Variants in ZNF695 observed in about 807,000 individuals in gnomAD.
The protein encoded by ZNF695 is zinc finger protein 695, also known as zinc finger protein SBZF3.
ZNF695 carries 11 observed loss-of-function variants against 11.2 expected under a neutral mutation model. The observed-to-expected ratio is 0.98, with a 90% CI of 0.62 to 1.62. ZNF695 has a LOEUF of 1.62. ZNF695 is among the 40% of genes most tolerant of loss of function. ZNF695 has a pLI of 0.00. For missense variants in ZNF695, 559 were observed against 590.5 expected (o/e 0.95, Z 0.55); for synonymous variants, 190 against 201.4 (o/e 0.94, Z 0.48).
At chr1:246,974,536 A>G (rs920938001) in intron 4 of ZNF695, among the ~76,000 whole-genome samples, 2 of 152,214 alleles carry the variant, frequency 1.3e-5, no homozygotes, top group Admixed American at 1.3e-4. Flanking sequence ...AAATTTTCCT[A>G]AGGGAGTAAA....
At chr1:246,996,624 AG>A (rs537351016) in intron 3 of ZNF695, among the ~76,000 whole-genome samples, 189 of 152,256 alleles carry the variant, frequency 1.2e-3, no homozygotes, top group Non-Finnish European at 2.4e-3. Context: ...TGAATCTTCA[AG>A]AAAAGCCCTT....
intron 4 of ZNF695, among the ~76,000 whole-genome samples, chr1:246,978,945 T>C (rs898988359): frequency 2.6e-5 from 4 of 152,252 alleles, no homozygotes; most frequent in African/African-American, 9.6e-5. Flanking sequence ...ACAGTGATCG[T>C]GAATGCTTTT....
chr1:246,949,926 A>G (rs1667832081), intron 5 of ZNF695, among the ~76,000 whole-genome samples: 1 of 152,256 alleles, frequency 6.6e-6, no homozygotes, highest in African/African-American at 2.4e-5. Flanking sequence ...TGTATACAGA[A>G]TTAATTCGGC....
chr1:246,971,293 C>T (rs1343747089), intron 4 of ZNF695, among the ~76,000 whole-genome samples: 1 of 152,226 alleles, frequency 6.6e-6, no homozygotes, highest in African/African-American at 2.4e-5. Flanking sequence ...CTACTGCTAT[C>T]TAGAAGGCGG....
In ZNF695 at chr1:246,966,648, T is replaced by C. The variant is rs149421018; in HGVS notation, c.488+1047A>G. ...ATTCTTTTTTCTAATCAGCTAGGTA[T>C]GGGGGCACATTCTTGTAGTACTAGC... On this transcript the variant is annotated intron_variant, in intron 5 of 5. Coordinates refer to the ZNF695 transcript ENST00000487338. 3.7e-3 allele frequency among the ~76,000 whole-genome samples: 557 copies of C among 152,178 alleles called. 4 individuals are homozygous for C. Among genetic ancestry groups the C allele is most frequent in the African/African-American group, 0.012 (517 of 41,506 alleles).
At position 246,947,000 on chromosome 1, in the gene ZNF695, C is replaced by T. The variant is rs796562139; in HGVS notation, c.489-1173G>A. On this transcript the variant is annotated intron_variant, in intron 5 of 5. Transcript: ENST00000487338. ...ACAAAAAATACAAAAATTAGCCGGG[C>T]GTGGTGGCGGGCGCCTGTAGTTCCA... Among the ~76,000 whole-genome samples the T allele has an allele frequency of 1.9e-4, 29 of 151,936 alleles. 1 individual carries two copies. Among genetic ancestry groups the T allele is most frequent in the African/African-American group, 6.5e-4 (27 of 41,476 alleles).
chr1:246,962,610 A>G (rs1263234671), intron 5 of ZNF695, among the ~76,000 whole-genome samples: 1 of 152,086 alleles, frequency 6.6e-6, no homozygotes, highest in African/African-American at 2.4e-5. Flanking sequence ...CTCTAAGCTG[A>G]TGTTTTCTGC....
rs184501099 is a variant in ZNF695, at chr1:246,955,238, C to T, written c.489-9411G>A. On this transcript the variant is annotated intron_variant, in intron 5 of 5. Transcript: ENST00000487338. ...AATTACCCAGTCTTGGGTATTTCTT[C>T]ATAGCAGTATGAAAATAGACCAATA... Among the ~76,000 whole-genome samples the T allele has an allele frequency of 3.3e-3, 508 of 152,278 alleles. 2 individuals carry two copies. The highest frequency in any genetic ancestry group is 4.2e-3 in the Non-Finnish European group (284 of 68,032).
chr1:246,957,961 G>T (rs1359387472), intron 5 of ZNF695, among the ~76,000 whole-genome samples: 1 of 152,016 alleles, frequency 6.6e-6, no homozygotes, highest in Non-Finnish European at 1.5e-5. Flanking sequence ...CCTTTTCTAT[G>T]ATGAGTCTGA....
chr1:246,976,537 G>A lies in ZNF695; in HGVS notation c.391-8745C>T, dbSNP rs573459186. Among the ~76,000 whole-genome samples, 27 of 152,180 alleles carry A rather than the reference G, an allele frequency of 1.8e-4. No homozygotes were observed. In the South Asian group the frequency reaches 5.2e-3, roughly 29 times the overall value. Reference sequence around the variant, plus strand: ...TGGCCGGGCGCGGTGGCTCACACCTGTAATCCCAGCACTTTGGGAGGCCAA... The same window carrying A: ...TGGCCGGGCGCGGTGGCTCACACCTATAATCCCAGCACTTTGGGAGGCCAA... On this transcript the variant is annotated intron_variant, in intron 4 of 5. Transcript: ENST00000487338.
intron 3 of ZNF695, 41 bp from the exon 4 acceptor site, chr1:246,988,296 T>C (rs1255146918): frequency 7.0e-7 from 1 of 1,431,146 alleles, no homozygotes; most frequent in Non-Finnish European, 9.4e-7. Flanking sequence ...ACTTACTAGA[T>C]AGCATCCTTT....
chr1:247,001,440 G>C (rs1230732959), intron 1 of ZNF695, among the ~76,000 whole-genome samples: 1 of 151,328 alleles, frequency 6.6e-6, no homozygotes, highest in Non-Finnish European at 1.5e-5. Flanking sequence ...AGCCGGGCGT[G>C]GTGGCTCACA....
intron 4 of ZNF695, chr1:246,968,744 G>A (rs1034361267): frequency 3.3e-5 from 5 of 152,228 alleles, no homozygotes; most frequent in Non-Finnish European, 7.3e-5. Flanking sequence ...TGCCCTCTGA[G>A]CACCTGCAGG....
intron 5 of ZNF695, among the ~76,000 whole-genome samples, chr1:246,962,279 C>T (rs1164132046): frequency 6.6e-6 from 1 of 152,208 alleles, no homozygotes; most frequent in Non-Finnish European, 1.5e-5. Context: ...CCCATCAGCA[C>T]TGGGCCCTCA....
At position 247,000,042 on chromosome 1, in the gene ZNF695, T is replaced by A. The variant is rs1230229458; in HGVS notation, c.36A>T (p.Glu12Asp). ...GLLAFRDVAL[E>D]FSPEEWECLD... ...GGCATTCCCACTCCTCTGGAGAGAA[T>A]TCTAGAGCCACATCCCTGAATGCCA... is the stretch of plus-strand genomic sequence containing the variant. The change falls in exon 2 of 4, where the codon GAA (glutamate) becomes GAT (aspartate). Residue 12 changes from glutamate to aspartate, a missense_variant. Transcript: ENST00000339986. 1.9e-6 allele frequency: 3 copies of A among 1,611,330 alleles called. No individual in the cohort carries two copies. In the South Asian group the frequency reaches 3.3e-5, roughly 18 times the overall value.
At position 246,946,558 on chromosome 1, in the gene ZNF695, C is replaced by T. The variant is rs575603457; in HGVS notation, c.489-731G>A. 6.6e-5 allele frequency among the ~76,000 whole-genome samples: 10 copies of T among 152,336 alleles called. No individual in the cohort carries two copies. The East Asian group carries it at 1.4e-3, about 21-fold the overall frequency. On this transcript the variant is annotated intron_variant, in intron 5 of 5. Transcript: ENST00000487338. ...AGATGGCATCTGGCTGGCAGCCAGGCGGGCCCTCTCCCGGTGACAGCACCA... is the reference window on the plus strand; with the variant it reads ...AGATGGCATCTGGCTGGCAGCCAGGTGGGCCCTCTCCCGGTGACAGCACCA...
downstream of ZNF695, among the ~76,000 whole-genome samples, chr1:246,984,173 A>C (rs899552870): frequency 6.2e-5 from 9 of 144,860 alleles, no homozygotes; most frequent in African/African-American, 2.3e-4. Flanking sequence ...AAAAAAAAGA[A>C]GAAGAAAAAG....
chr1:246,986,325 C>T lies in ZNF695; in HGVS notation c.*642G>A. Reference sequence around the variant, plus strand: ...TCAAGCAATCCCCCGACCTCGGCATCCAAAAGTGCAGCAACTATAGGAAAG... The same window carrying T: ...TCAAGCAATCCCCCGACCTCGGCATTCAAAAGTGCAGCAACTATAGGAAAG... On this transcript the variant is annotated 3_prime_UTR_variant, in exon 4 of 4. Transcript: ENST00000339986. 1.0e-6 allele frequency: 1 copy of T among 972,054 alleles called. No individual in the cohort carries two copies. Among genetic ancestry groups the T allele is most frequent in the Non-Finnish European group, 1.2e-6 (1 of 817,798 alleles). The allele number at this position is 972,054 out of a possible 1,614,324, so 60.2% of individuals were successfully genotyped here. A position where few individuals can be genotyped will look rare whatever the true frequency, so the allele number is the denominator to read the frequency against.
chr1:247,001,712 C>CAAAAAAAAAAAAAAAAAAAAA, intron 1 of ZNF695, among the ~76,000 whole-genome samples: 1 of 79,284 alleles, frequency 1.3e-5, no homozygotes, highest in Non-Finnish European at 2.4e-5. Context: ...GACTTCGTCT[C>CAAAAAAAAAAAAAAAAAAAAA]AAAAAAAAAA....
Sources: gnomAD v4.1 joint callset for allele counts (sites outside exome capture counted in the v4.1 genomes callset) on GRCh38, gnomAD v4.1.1 for gene constraint, MANE v1.5 for transcripts, NCBI Gene and HGNC (gene_info 2026-07-23, HGNC 2026-07-21) for gene names.